The following CC2D2A variants were observed in gnomAD, a reference collection of about 807,000 sequenced individuals.
The protein encoded by CC2D2A is coiled-coil and C2 domain-containing protein 2A.
Under a neutral mutation model 212.9 loss-of-function variants are expected in CC2D2A, and 155 were observed. That is an observed-to-expected ratio of 0.73 (90% CI 0.64 to 0.83). The LOEUF (loss-of-function observed/expected upper bound fraction) is 0.83, where lower values mean the gene tolerates loss of function less well. Ranked by LOEUF, CC2D2A falls within the 40% of genes least tolerant of loss-of-function variation. The pLI is 0.00. For synonymous variants in CC2D2A, 667 were observed against 686.5 expected (o/e 0.97, Z 0.44); for missense variants, 1,856 against 1,956.2 (o/e 0.95, Z 0.97).
At chr4:15,487,822 T>G (rs1189882502) in intron 4 of CC2D2A, among the ~76,000 whole-genome samples, 3 of 149,318 alleles carry the variant, frequency 2.0e-5, no homozygotes, top group Non-Finnish European at 4.4e-5. Flanking sequence ...CATAGGTTTT[T>G]GCTCTGTGAT....
At position 15,475,564 on chromosome 4, in the gene CC2D2A, C is replaced by T. The variant is rs557392144; in HGVS notation, c.-18-351C>T. Among the ~76,000 whole-genome samples the T allele has an allele frequency of 6.6e-5, 10 of 152,210 alleles. 1 individual carries two copies. In the East Asian group the frequency reaches 1.9e-3, roughly 29 times the overall value. ...ATGTAGAAGCCCTCTCTGGTCTTGT[C>T]TTTTTACTTGGTGAAATAAGGGCCA... On this transcript the variant is annotated intron_variant, in intron 1 of 36. Coordinates refer to ENST00000424120, the MANE Select transcript of CC2D2A (RefSeq NM_001378615.1).
chr4:15,595,959 T>C (rs547012533), intron 33 of CC2D2A, 126 bp from the exon 34 acceptor site: 5 of 546,360 alleles, frequency 9.2e-6, no homozygotes, highest in Middle Eastern at 3.2e-4. Flanking sequence ...AATGACAAAA[T>C]GTATGCGGCC....
At chr4:15,564,813 G>A (rs1330675285) in intron 24 of CC2D2A, among the ~76,000 whole-genome samples, 1 of 152,076 alleles carries the variant, frequency 6.6e-6, no homozygotes, top group Non-Finnish European at 1.5e-5. Flanking sequence ...AACTAGTTGG[G>A]ACTACAGGTG....
rs781259863 is a variant in CC2D2A at position 15,567,393 on chromosome 4, T to C, written c.3199T>C (p.Ser1067Pro). The change falls in exon 25 of 37, where the codon TCG (serine) becomes CCG (proline). Residue 1067 changes from serine to proline, a missense_variant. Coordinates refer to ENST00000424120, the MANE Select transcript of CC2D2A (RefSeq NM_001378615.1). Reference sequence around the variant, plus strand: ...CTCTCCTAGCAAATTCCAGCAGCCGTCGAGGTCTTCAAGGATGTTCAGTGA... The same window carrying C: ...CTCTCCTAGCAAATTCCAGCAGCCGCCGAGGTCTTCAAGGATGTTCAGTGA... ...KPAVSKFQQP[S>P]RSSRMFSEKH... is the part of the protein sequence containing the mutation. The C allele has an allele frequency of 1.3e-5, 21 of 1,613,194 alleles. No individual in the cohort carries two copies. The South Asian group carries it at 2.3e-4, about 18-fold the overall frequency.
At chr4:15,600,903 CAA>C (rs5856308) in intron 36 of CC2D2A, among the ~76,000 whole-genome samples, 4 of 92,996 alleles carry the variant, frequency 4.3e-5, no homozygotes, top group African/African-American at 1.3e-4. Flanking sequence ...AGACCTGTCT[CAA>C]AAAAAAAAAA....
At chr4:15,503,256 T>C (rs1340790088) in intron 6 of CC2D2A, among the ~76,000 whole-genome samples, 1 of 152,190 alleles carries the variant, frequency 6.6e-6, no homozygotes, top group African/African-American at 2.4e-5. Context: ...TGAGCTATGA[T>C]TAGGCCACTG....
At chr4:15,485,797 G>C (rs1221230841) in intron 4 of CC2D2A, among the ~76,000 whole-genome samples, 1 of 151,966 alleles carries the variant, frequency 6.6e-6, no homozygotes, top group South Asian at 2.1e-4. Context: ...AATGTTTTTT[G>C]CCTATTTTTA....
Position 15,601,377 on chromosome 4 carries a change from T to C in CC2D2A, c.4815T>C (p.Asn1605=), listed in dbSNP as rs370146822. 59 of 1,579,238 alleles carry C rather than the reference T, an allele frequency of 3.7e-5. No individual in the cohort carries two copies. The African/African-American group carries it at 7.0e-4, about 19-fold the overall frequency. Residue 1605 remains asparagine (N), a synonymous_variant, in exon 37 of 37, where the codon AAT becomes AAC. Coordinates refer to ENST00000424120, the MANE Select transcript of CC2D2A (RefSeq NM_001378615.1). ...LAVYIHPYPK[N]VLSVWIYVAS... ...TATACATACACCCATACCCCAAAAA[T>C]GTTTTGTCTGTTTGGATCTATGTTG...
rs925868768 is a variant in CC2D2A at position 15,510,358 on chromosome 4, G to A, written c.540+118G>A. ...CGCCTGCAATCCCAGCGCTTTGGGA[G>A]GCCAAGACAGGCAGATATATTGAGC... On this transcript the variant is annotated intron_variant, in intron 7 of 36. Coordinates refer to ENST00000424120, the MANE Select transcript of CC2D2A (RefSeq NM_001378615.1). 3.2e-5 allele frequency: 25 copies of A among 772,742 alleles called. No homozygotes were observed. The African/African-American group carries it at 3.9e-4, about 12-fold the overall frequency. The allele number at this position is 772,742 out of a possible 1,614,324, so 47.9% of individuals were successfully genotyped here.
chr4:15,535,116 A>G (rs1357507960), intron 14 of CC2D2A, among the ~76,000 whole-genome samples: 1 of 152,202 alleles, frequency 6.6e-6, no homozygotes. Context: ...GCCACTTAGT[A>G]TCTGCTCAGT....
Position 15,581,127 on chromosome 4 carries a change from C to A in CC2D2A, c.3975+956C>A, listed in dbSNP as rs187497403. ...ATAGGAAGTTATTGCTACTAATAGT[C>A]ACTAATATACTAATTTAGAAACAAG... On this transcript the variant is annotated intron_variant, in intron 30 of 36. Coordinates refer to ENST00000424120, the MANE Select transcript of CC2D2A (RefSeq NM_001378615.1). 1.2e-3 allele frequency among the ~76,000 whole-genome samples: 182 copies of A among 152,180 alleles called. 1 individual carries two copies. The highest frequency in any genetic ancestry group is 3.7e-3 in the African/African-American group (155 of 41,498).
At chr4:15,512,094 T>C (rs1716598985) in intron 8 of CC2D2A, among the ~76,000 whole-genome samples, 1 of 152,230 alleles carries the variant, frequency 6.6e-6, no homozygotes, top group Non-Finnish European at 1.5e-5. Context: ...AATTGGACTT[T>C]GGTGCGTTGC....
chr4:15,499,009 C>A (rs932093070), intron 4 of CC2D2A, among the ~76,000 whole-genome samples: 2 of 152,066 alleles, frequency 1.3e-5, no homozygotes, highest in Admixed American at 6.6e-5. Flanking sequence ...GTTGTACAGA[C>A]CTGATTTGGA....
intron 13 of CC2D2A, among the ~76,000 whole-genome samples, chr4:15,530,262 C>A (rs967389297): frequency 6.6e-6 from 1 of 152,196 alleles, no homozygotes. Flanking sequence ...TGAGCCACCG[C>A]GCCCGGCCAG....
chr4:15,544,410 A>G (rs756538599), intron 17 of CC2D2A, among the ~76,000 whole-genome samples: 1 of 152,186 alleles, frequency 6.6e-6, no homozygotes, highest in Non-Finnish European at 1.5e-5. Context: ...GGAAAAGCTG[A>G]TATCAGGAAG....
At chr4:15,539,143 A>C (rs371314152) in intron 16 of CC2D2A, among the ~76,000 whole-genome samples, 9 of 152,336 alleles carry the variant, frequency 5.9e-5, no homozygotes, top group African/African-American at 2.2e-4. Context: ...CAACCAACTA[A>C]ACAGAAATTT....
At chr4:15,502,955 A>G in intron 6 of CC2D2A, 32 bp downstream of exon 6, 1 of 1,522,032 alleles carries the variant, frequency 6.6e-7, no homozygotes, top group Non-Finnish European at 8.9e-7. Context: ...TTGTGATCAA[A>G]ACCAGTAAAG....
intron 4 of CC2D2A, among the ~76,000 whole-genome samples, chr4:15,500,129 A>ATATATATATG (rs1553823493): frequency 1.8e-4 from 25 of 141,322 alleles, no homozygotes; most frequent in African/African-American, 5.8e-4. Context: ...ATATATATAT[A>ATATATATATG]TATGTATTTT....
In CC2D2A at chr4:15,511,380, G is replaced by A; in HGVS notation, c.674G>A (p.Gly225Glu). The A allele has an allele frequency of 6.4e-7, 1 of 1,555,208 alleles. No individual in the cohort carries two copies. Among genetic ancestry groups the A allele is most frequent in the Non-Finnish European group, 8.6e-7 (1 of 1,158,464 alleles). ...RAGTNQEEEEGEEEEPPAQGG... is the reference protein window; with the variant it reads ...RAGTNQEEEEEEEEEPPAQGG... Reference sequence around the variant, plus strand: ...GGAACTAATCAAGAGGAGGAGGAAGGGGAAGAAGAAGAACCACCTGCACAA... The same window carrying A: ...GGAACTAATCAAGAGGAGGAGGAAGAGGAAGAAGAAGAACCACCTGCACAA... Residue 225 changes from glycine to glutamate, a missense_variant, in exon 8 of 37, where the codon GGG (glycine) becomes GAG (glutamate). By Grantham distance (98) the Gly-to-Glu change is moderately conservative. Coordinates refer to ENST00000424120, the MANE Select transcript of CC2D2A (RefSeq NM_001378615.1).
Sources: gnomAD v4.1 joint callset for allele counts (sites outside exome capture counted in the v4.1 genomes callset) on GRCh38, gnomAD v4.1.1 for gene constraint, MANE v1.5 for transcripts, NCBI Gene and HGNC (gene_info 2026-07-23, HGNC 2026-07-21) for gene names.